Variants in ITGA8 observed in about 807,000 individuals in gnomAD.
ITGA8 encodes integrin subunit alpha 8, also known as integrin alpha-8.
A neutral mutation model predicts 142.3 loss-of-function variants in ITGA8; 91 were observed. That is an observed-to-expected ratio of 0.64 (90% CI 0.54 to 0.76). ITGA8 has a LOEUF of 0.76. Among genes scored for constraint, ITGA8 ranks in the 30% least tolerant of loss-of-function variants. The probability of loss-of-function intolerance (pLI) is 0.00; values close to 1 mark genes in which losing one functional copy is unlikely to be tolerated. For synonymous variants in ITGA8, 505 were observed against 485.2 expected (o/e 1.04, Z -0.54); for missense variants, 1,406 against 1,327.7 (o/e 1.06, Z -0.92).
intron 6 of ITGA8, among the ~76,000 whole-genome samples, chr10:15,677,245 TAAC>T (rs760406782): frequency 4.3e-4 from 66 of 152,300 alleles, no homozygotes; most frequent in Non-Finnish European, 8.4e-4. Flanking sequence ...TGAATATAGT[TAAC>T]AACAATTTAT....
chr10:15,516,690 T>C lies in ITGA8; in HGVS notation c.*468A>G, dbSNP rs570227465. On this transcript the variant is annotated 3_prime_UTR_variant, in exon 30 of 30. Coordinates refer to ENST00000378076, the MANE Select transcript of ITGA8 (RefSeq NM_003638.3). ...TGTCCTTAGAAATGTTTCTTTTCCA[T>C]AGGGAGGTGTCAAATGTTCCATTGG... 6 of 152,650 alleles carry C rather than the reference T, an allele frequency of 3.9e-5. No homozygotes were observed. The highest frequency in any genetic ancestry group is 5.9e-5 in the Non-Finnish European group (4 of 68,296). The allele number at this position is 152,650 out of a possible 1,614,324, so 9.5% of individuals were successfully genotyped here.
chr10:15,659,456 A>C (rs1200037181), intron 9 of ITGA8, among the ~76,000 whole-genome samples: 2 of 152,222 alleles, frequency 1.3e-5, no homozygotes, highest in Admixed American at 1.3e-4. Context: ...AATGCTATCC[A>C]CATGGCAAAA....
At chr10:15,713,274 C>T (rs917662719) in intron 2 of ITGA8, among the ~76,000 whole-genome samples, 52 of 152,096 alleles carry the variant, frequency 3.4e-4, no homozygotes, top group African/African-American at 1.3e-3. Context: ...TTTGATGACT[C>T]AGTTGGATCA....
intron 25 of ITGA8, among the ~76,000 whole-genome samples, chr10:15,569,523 T>A (rs939464652): frequency 1.3e-5 from 2 of 152,240 alleles, no homozygotes; most frequent in African/African-American, 4.8e-5. Context: ...TTATTTCTGC[T>A]GCCTCCCTGT....
At chr10:15,603,330 G>T (rs1218670868) in intron 20 of ITGA8, among the ~76,000 whole-genome samples, 1 of 152,102 alleles carries the variant, frequency 6.6e-6, no homozygotes, top group African/African-American at 2.4e-5. Flanking sequence ...AGGTCCTCAG[G>T]GGGTGTGGTA....
intron 25 of ITGA8, among the ~76,000 whole-genome samples, chr10:15,567,468 G>C (rs1276752109): frequency 6.6e-6 from 1 of 152,158 alleles, no homozygotes; most frequent in Non-Finnish European, 1.5e-5. Context: ...ATTTCAAAAT[G>C]TTGTAGATGG....
intron 26 of ITGA8, among the ~76,000 whole-genome samples, chr10:15,549,203 T>TTTTTTTATTTTTA (rs1472041788): frequency 9.9e-4 from 7 of 7,038 alleles, no homozygotes; most frequent in Admixed American, 2.3e-3. Context: ...TCTTTTCTGT[T>TTTTTTTATTTTTA]TTTTTTTTTT....
intron 26 of ITGA8, among the ~76,000 whole-genome samples, chr10:15,552,112 A>T (rs1162206818): frequency 6.6e-6 from 1 of 152,136 alleles, no homozygotes; most frequent in African/African-American, 2.4e-5. Flanking sequence ...AGTGGAAATT[A>T]AAAAACATAC....
intron 13 of ITGA8, among the ~76,000 whole-genome samples, chr10:15,627,821 T>C (rs911436043): frequency 6.6e-6 from 1 of 150,610 alleles, no homozygotes; most frequent in East Asian, 1.9e-4. Flanking sequence ...TGAGATCCAC[T>C]GGGCTGCATT....
At chr10:15,622,266 C>T (rs1352756885) in intron 13 of ITGA8, among the ~76,000 whole-genome samples, 1 of 152,162 alleles carries the variant, frequency 6.6e-6, no homozygotes, top group Non-Finnish European at 1.5e-5. Flanking sequence ...AAGTCACCTT[C>T]CTCCTGCTTC....
At chr10:15,662,052 C>G (rs1421346254) in intron 8 of ITGA8, among the ~76,000 whole-genome samples, 1 of 152,144 alleles carries the variant, frequency 6.6e-6, no homozygotes, top group African/African-American at 2.4e-5. Flanking sequence ...CTTTTCCCAT[C>G]CCACAAACAT....
At chr10:15,565,274 A>T (rs1834057146) in intron 25 of ITGA8, among the ~76,000 whole-genome samples, 1 of 152,222 alleles carries the variant, frequency 6.6e-6, no homozygotes, top group African/African-American at 2.4e-5. Flanking sequence ...TGTCACTAGT[A>T]CGTCACAATT....
At position 15,706,995 on chromosome 10, in the gene ITGA8, C is replaced by T. The variant is rs565809142; in HGVS notation, c.343+11771G>A. 1.5e-3 allele frequency among the ~76,000 whole-genome samples: 222 copies of T among 152,324 alleles called. 1 individual carries two copies. Among genetic ancestry groups the T allele is most frequent in the Non-Finnish European group, 1.8e-3 (124 of 68,026 alleles). ...TCTCCAGACTCTAACACTGACACTC[C>T]TACAACCTAGAACATGTCTCCCTTG... On this transcript the variant is annotated intron_variant, in intron 2 of 29. Coordinates refer to ENST00000378076, the MANE Select transcript of ITGA8 (RefSeq NM_003638.3).
At chr10:15,680,581 T>G (rs945900374) in intron 4 of ITGA8, among the ~76,000 whole-genome samples, 5 of 152,120 alleles carry the variant, frequency 3.3e-5, no homozygotes, top group African/African-American at 1.2e-4. Context: ...GATATTACTC[T>G]GAACATATAT....
chr10:15,698,165 T>G (rs1288028137), intron 2 of ITGA8, among the ~76,000 whole-genome samples: 1 of 152,210 alleles, frequency 6.6e-6, no homozygotes, highest in Non-Finnish European at 1.5e-5. Context: ...CAATGTTTGG[T>G]TTTCCATTTC....
Position 15,590,683 on chromosome 10 carries a change from A to G in ITGA8, c.2291+1542T>C, listed in dbSNP as rs190434703. 1.6e-3 allele frequency among the ~76,000 whole-genome samples: 237 copies of G among 152,316 alleles called. 2 individuals are homozygous for G. The highest frequency in any genetic ancestry group is 3.7e-3 in the Admixed American group (57 of 15,296). ...TTAGAAATATCAACAGAAGATTTCC[A>G]AAATAAAAATATTTAGGGCTACCTA... On this transcript the variant is annotated intron_variant, in intron 22 of 29. Coordinates refer to ENST00000378076, the MANE Select transcript of ITGA8 (RefSeq NM_003638.3).
intron 2 of ITGA8, among the ~76,000 whole-genome samples, chr10:15,692,221 C>T (rs150556756): frequency 9.2e-5 from 14 of 152,130 alleles, no homozygotes; most frequent in African/African-American, 2.4e-4. Flanking sequence ...GTATGAGCCA[C>T]TGTACCCAGC....
intron 9 of ITGA8, 54 bp downstream of exon 9, chr10:15,660,825 G>A: frequency 7.3e-7 from 1 of 1,376,796 alleles, no homozygotes; most frequent in Non-Finnish European, 1.0e-6. Flanking sequence ...ATTCCATCAA[G>A]GAGCACCTAT....
chr10:15,682,568 G>A (rs1435135373), intron 4 of ITGA8, among the ~76,000 whole-genome samples: 2 of 152,126 alleles, frequency 1.3e-5, no homozygotes, highest in African/African-American at 2.4e-5. Flanking sequence ...CAGGTTAAAT[G>A]TTCAAGCCAG....
Sources: allele counts gnomAD v4.1 joint callset (sites outside exome capture counted in the v4.1 genomes callset), GRCh38; gene constraint gnomAD v4.1.1; transcripts MANE v1.5; gene names NCBI Gene and HGNC (gene_info 2026-07-23, HGNC 2026-07-21).